CYP24A1: variants seen among roughly 807,000 people sequenced by gnomAD.
CYP24A1 encodes cytochrome P450 family 24 subfamily A member 1.
Under a neutral mutation model 62.4 loss-of-function variants are expected in CYP24A1, and 68 were observed. That is an observed-to-expected ratio of 1.09 (90% CI 0.90 to 1.33). The LOEUF is 1.33. Among genes scored for constraint, CYP24A1 ranks in the 40% most tolerant of loss-of-function variants. The probability of loss-of-function intolerance (pLI) is 0.00; values close to 1 mark genes in which losing one functional copy is unlikely to be tolerated. For missense variants in CYP24A1, 787 were observed against 653.0 expected (o/e 1.21, Z -2.24); for synonymous variants, 267 against 253.0 (o/e 1.06, Z -0.52).
intron 6 of CYP24A1, among the ~76,000 whole-genome samples, chr20:54,163,319 C>T (rs1276380796): frequency 6.6e-6 from 1 of 152,180 alleles, no homozygotes; most frequent in Non-Finnish European, 1.5e-5. Context: ...ACACATACCC[C>T]ACATACATAC....
At position 54,158,953 on chromosome 20, in the gene CYP24A1, T is replaced by G. The variant is rs757952315; in HGVS notation, c.1157+4A>C. 6.2e-7 allele frequency: 1 copy of G among 1,614,206 alleles called. No individual in the cohort carries two copies. The highest frequency in any genetic ancestry group is 1.7e-5 in the Admixed American group (1 of 60,030). ...TTTATATTGGCTCAGAGATAGGCTC[T>G]TACCTCATAGATTCTTTCAGACAGG... On this transcript the variant is annotated splice_donor_region_variant and intron_variant, in intron 8 of 11. Transcript: ENST00000216862.
Position 54,162,556 on chromosome 20 carries a change from C to T in CYP24A1, c.990+161G>A, listed in dbSNP as rs192641450. ...GAGGCACCGTGGCATAGATGCTGTGCGCGGAGGCACCGTGGCATCTAGTAT... is the reference window on the plus strand; with the variant it reads ...GAGGCACCGTGGCATAGATGCTGTGTGCGGAGGCACCGTGGCATCTAGTAT... On this transcript the variant is annotated intron_variant, in intron 7 of 11. Coordinates refer to ENST00000216862, the MANE Select transcript of CYP24A1 (RefSeq NM_000782.5). 2.4e-4 allele frequency: 117 copies of T among 493,794 alleles called. No individual in the cohort carries two copies. In the East Asian group the frequency reaches 3.5e-3, roughly 15 times the overall value. The allele number at this position is 493,794 out of a possible 1,614,324, so 30.6% of individuals were successfully genotyped here. A position where few individuals can be genotyped will look rare whatever the true frequency, so the allele number is the denominator to read the frequency against.
At chr20:54,158,034 A>C in intron 9 of CYP24A1, 52 bp downstream of exon 9, 1 of 1,608,084 alleles carries the variant, frequency 6.2e-7, no homozygotes, top group Non-Finnish European at 8.5e-7. Context: ...AATATTTGCA[A>C]AGTGTATCTT....
intron 11 of CYP24A1, among the ~76,000 whole-genome samples, chr20:54,156,849 G>A (rs533569743): frequency 1.3e-4 from 20 of 152,282 alleles, no homozygotes; most frequent in African/African-American, 4.8e-4. Context: ...GCCCTTTACG[G>A]AAAAAGTTTG....
At chr20:54,158,044 T>G in intron 9 of CYP24A1, 42 bp downstream of exon 9, 2 of 1,610,438 alleles carry the variant, frequency 1.2e-6, no homozygotes, top group Non-Finnish European at 1.7e-6. Context: ...AAGTGTATCT[T>G]CCAAGGTTTT....
rs1043340520 is a variant in CYP24A1 at position 54,173,236 on chromosome 20, G to C, written c.258+86C>G. 4 of 1,505,234 alleles carry C rather than the reference G, an allele frequency of 2.7e-6. No homozygotes were observed. The Admixed American group carries it at 5.3e-5, about 20-fold the overall frequency. The allele number at this position is 1,505,234 out of a possible 1,614,324, so 93.2% of individuals were successfully genotyped here. ...AGACGCCGAAGCGCACCATGCGCCC[G>C]AGGCGCGCATGTCGGGGAGGGTTTG... On this transcript the variant is annotated intron_variant, in intron 1 of 11. Coordinates refer to ENST00000216862, the MANE Select transcript of CYP24A1 (RefSeq NM_000782.5). The surrounding 1 kb of genome is among the most constrained non-coding windows in gnomAD (Gnocchi z 7.2).
chr20:54,144,504 C>G, the CYP24A1 span, among the ~76,000 whole-genome samples: 1 of 151,822 alleles, frequency 6.6e-6, no homozygotes, highest in Non-Finnish European at 1.5e-5. Context: ...ATCCTCCAGC[C>G]TCAGCCTCCC....
chr20:54,166,758 G>A (rs1282736361), intron 4 of CYP24A1, among the ~76,000 whole-genome samples: 1 of 151,888 alleles, frequency 6.6e-6, no homozygotes, highest in Non-Finnish European at 1.5e-5. Flanking sequence ...AGGGCCGAGC[G>A]TGGTGGTTCA....
At chr20:54,172,010 T>G (rs2092695764) in intron 2 of CYP24A1, 1 of 383,110 alleles carries the variant, frequency 2.6e-6, no homozygotes, top group Non-Finnish European at 4.9e-6. Context: ...AAAGGGGGCA[T>G]GTGAACACCC....
Position 54,162,755 on chromosome 20 carries a change from C to T in CYP24A1, c.952G>A (p.Ala318Thr), listed in dbSNP as rs1310259742. ...QNRLSKKELY[A>T]AVTELQLAAV... ...GCCAGCTGGAGCTCTGTGACAGCAG[C>T]ATACAATTCTTTCTTTGAAAGCCGA... The change falls in exon 7 of 12, where the codon GCT becomes ACT. Residue 318 changes from alanine to threonine, a missense_variant. Transcript: ENST00000216862. 2.4e-5 allele frequency: 38 copies of T among 1,598,686 alleles called. No individual in the cohort carries two copies. The highest frequency in any genetic ancestry group is 5.4e-5 in the African/African-American group (4 of 74,426).
chr20:54,160,491 A>G (rs1379049351), intron 7 of CYP24A1, among the ~76,000 whole-genome samples: 3 of 152,256 alleles, frequency 2.0e-5, no homozygotes, highest in South Asian at 4.1e-4. Context: ...ACCAAGTGCA[A>G]GACCATTCAG....
At chr20:54,164,302 T>C in intron 6 of CYP24A1, 150 bp downstream of exon 6, 2 of 1,445,758 alleles carry the variant, frequency 1.4e-6, no homozygotes, top group Non-Finnish European at 1.9e-6. Context: ...TTAGAATTTG[T>C]GTATGCTGGG....
chr20:54,173,562 G>T lies in CYP24A1; in HGVS notation c.18C>A (p.Ser6Arg). Residue 6 changes from serine (S) to arginine (R), a missense_variant, in exon 1 of 12, where the codon AGC becomes AGA. By Grantham distance (110) the Ser-to-Arg change is moderately radical. Transcript: ENST00000216862. This position sits in a 1 kb window ranked among gnomAD's most constrained non-coding sequence, Gnocchi z 7.2. Reference protein sequence around the residue: MSSPISKSRSLAAFLQ... With the variant: MSSPIRKSRSLAAFLQ... ...GGAAGGCGGCAAGCGAGCGGCTCTTGCTGATGGGGGAGCTCATGGCAGCGG... is the reference window on the plus strand; with the variant it reads ...GGAAGGCGGCAAGCGAGCGGCTCTTTCTGATGGGGGAGCTCATGGCAGCGG... 1 of 1,580,694 alleles carries T rather than the reference G, an allele frequency of 6.3e-7. No individual in the cohort carries two copies. Among genetic ancestry groups the T allele is most frequent in the South Asian group, 1.1e-5 (1 of 87,728 alleles).
At chr20:54,156,436 G>A (rs1329215673) in intron 11 of CYP24A1, among the ~76,000 whole-genome samples, 3 of 152,134 alleles carry the variant, frequency 2.0e-5, no homozygotes, top group African/African-American at 7.2e-5. Context: ...ATGAGCCAAG[G>A]AATATGGGAA....
At chr20:54,155,053 T>C (rs2092622675) in intron 11 of CYP24A1, 1 of 140,886 alleles carries the variant, frequency 7.1e-6, no homozygotes, top group Non-Finnish European at 1.5e-5. Context: ...GAAAAAATGC[T>C]AAAACTTAAA....
chr20:54,152,980 C>T (rs1300989614), downstream of CYP24A1, among the ~76,000 whole-genome samples: 1 of 152,198 alleles, frequency 6.6e-6, no homozygotes, highest in Non-Finnish European at 1.5e-5. Context: ...GAAAATTTGG[C>T]TGTTGTAGGT....
At chr20:54,162,261 A>T (rs2092653958) in intron 7 of CYP24A1, among the ~76,000 whole-genome samples, 1 of 125,824 alleles carries the variant, frequency 7.9e-6, no homozygotes. Context: ...TTTTACAGTA[A>T]GTAACAGCCA....
At chr20:54,155,434 C>T (rs970271501) in intron 11 of CYP24A1, among the ~76,000 whole-genome samples, 1 of 152,066 alleles carries the variant, frequency 6.6e-6, no homozygotes, top group Non-Finnish European at 1.5e-5. Flanking sequence ...CCATATGTTA[C>T]AAATGTCTTA....
downstream of CYP24A1, among the ~76,000 whole-genome samples, chr20:54,153,053 G>C (rs927648): frequency 0.33 from 50,041 of 152,012 alleles, 9,225 homozygotes; most frequent in East Asian, 0.59. Flanking sequence ...AATGTGGTAG[G>C]CAGGGGCTGA....
Sources: gnomAD v4.1 joint callset for allele counts (sites outside exome capture counted in the v4.1 genomes callset) on GRCh38, gnomAD v4.1.1 for gene constraint, Gnocchi (gnomAD v3.1) non-coding constraint, MANE v1.5 for transcripts, NCBI Gene and HGNC (gene_info 2026-07-23, HGNC 2026-07-21) for gene names.